Variants in NR6A1 observed in about 807,000 individuals in gnomAD.
NR6A1 encodes the protein retinoic acid receptor-related testis-associated receptor.
In NR6A1, 7 loss-of-function variants were observed where a neutral mutation model predicts 59.1. The ratio of observed to expected loss-of-function variants is 0.12; its 90% CI spans 0.07 to 0.22. NR6A1 has a LOEUF of 0.22. Ranked by LOEUF, NR6A1 falls within the 10% of genes least tolerant of loss-of-function variation. The pLI is 1.00. For missense variants in NR6A1, 468 were observed against 611.6 expected (o/e 0.77, Z 2.48); for synonymous variants, 243 against 236.1 (o/e 1.03, Z -0.27).
At chr9:124,634,230 G>A (rs1216136072) in intron 2 of NR6A1, among the ~76,000 whole-genome samples, 1 of 152,198 alleles carries the variant, frequency 6.6e-6, no homozygotes, top group East Asian at 1.9e-4. Flanking sequence ...GCAGGTTACA[G>A]TAGCAAAGTT....
intron 1 of NR6A1, among the ~76,000 whole-genome samples, chr9:124,762,400 A>T (rs1352023881): frequency 6.6e-6 from 1 of 152,218 alleles, no homozygotes; most frequent in Non-Finnish European, 1.5e-5. Context: ...TAATCTCCTT[A>T]ATATCTGGCT....
intron 2 of NR6A1, chr9:124,658,476 G>T (rs1197203822): frequency 5.9e-5 from 9 of 152,198 alleles, no homozygotes; most frequent in Admixed American, 5.9e-4. Flanking sequence ...ACCTCGTCTA[G>T]CCTGGGTTCC....
At chr9:124,752,617 T>A (rs1489948812) in intron 1 of NR6A1, among the ~76,000 whole-genome samples, 1 of 152,142 alleles carries the variant, frequency 6.6e-6, no homozygotes, top group African/African-American at 2.4e-5. Flanking sequence ...TCCAACATTA[T>A]CTAATGAGGA....
chr9:124,707,145 C>T (rs1352081302), intron 2 of NR6A1, among the ~76,000 whole-genome samples: 1 of 152,216 alleles, frequency 6.6e-6, no homozygotes, highest in African/African-American at 2.4e-5. Flanking sequence ...ATTACATACA[C>T]ACTTGATGTC....
chr9:124,692,670 G>A (rs548743128), intron 2 of NR6A1: 15 of 261,346 alleles, frequency 5.7e-5, no homozygotes, highest in Non-Finnish European at 1.3e-4. Context: ...TATTCCTACT[G>A]CTCACTGTTC....
At chr9:124,695,336 C>G (rs1250599533) in intron 2 of NR6A1, among the ~76,000 whole-genome samples, 1 of 152,142 alleles carries the variant, frequency 6.6e-6, no homozygotes, top group African/African-American at 2.4e-5. Context: ...AAAACCTACC[C>G]AAAGAAATTA....
chr9:124,612,969 T>G (rs1835798092), intron 2 of NR6A1, among the ~76,000 whole-genome samples: 1 of 152,242 alleles, frequency 6.6e-6, no homozygotes, highest in Admixed American at 6.5e-5. Flanking sequence ...ATTCTAGGAA[T>G]GTACCTTACA....
In NR6A1 at chr9:124,614,647, C is replaced by A. The variant is rs76445986; in HGVS notation, c.143-60077G>T. On this transcript the variant is annotated intron_variant, in intron 2 of 9. Transcript: ENST00000487099. ...TAAAAATATACTCTGCCTTAGGCTC[C>A]TCTTGACATAGACAAAAGTCCGCCA... Among the ~76,000 whole-genome samples, 4 of 152,140 alleles carry A rather than the reference C, an allele frequency of 2.6e-5. No individual in the cohort carries two copies. The East Asian group carries it at 7.7e-4, about 29-fold the overall frequency.
rs1288771670 is a variant in NR6A1 at position 124,519,269 on chromosome 9, T to A, written c.*3436A>T. On this transcript the variant is annotated 3_prime_UTR_variant, in exon 10 of 10. Transcript: ENST00000487099. ...GTTCTGGGAAACAGGACAGGGAGGA[T>A]CCTGCTTACTTCCTCCTATCCCTGG... 2.6e-5 allele frequency: 4 copies of A among 152,210 alleles called. No homozygotes were observed. The allele number at this position is 152,210 out of a possible 1,614,324, so 9.4% of individuals were successfully genotyped here.
chr9:124,639,533 C>T (rs546567014), intron 2 of NR6A1, among the ~76,000 whole-genome samples: 4 of 152,182 alleles, frequency 2.6e-5, no homozygotes, highest in African/African-American at 9.7e-5. Flanking sequence ...TTAGCCCTAT[C>T]AAGTATGTCA....
intron 3 of NR6A1, among the ~76,000 whole-genome samples, chr9:124,547,490 GTC>G (rs1458452786): frequency 1.3e-5 from 2 of 152,052 alleles, no homozygotes; most frequent in African/African-American, 4.8e-5. Context: ...ACATAGTTCT[GTC>G]TCTGCATATG....
At chr9:124,577,282 C>CA (rs1222590455) in intron 2 of NR6A1, among the ~76,000 whole-genome samples, 1 of 152,074 alleles carries the variant, frequency 6.6e-6, no homozygotes, top group African/African-American at 2.4e-5. Context: ...TTTTCCCACA[C>CA]AAAAAAATTC....
intron 2 of NR6A1, among the ~76,000 whole-genome samples, chr9:124,683,388 T>C (rs1838233435): frequency 6.6e-6 from 1 of 152,262 alleles, no homozygotes; most frequent in Non-Finnish European, 1.5e-5. Context: ...TTCCATTCTT[T>C]ACAGCAAGCT....
intron 2 of NR6A1, among the ~76,000 whole-genome samples, chr9:124,595,363 T>C (rs1016085806): frequency 6.6e-5 from 10 of 152,270 alleles, no homozygotes; most frequent in African/African-American, 2.4e-4. Context: ...AATAAGACTT[T>C]GGCAGATAGC....
At chr9:124,681,338 C>CTTTTTTTT (rs779847656) in intron 2 of NR6A1, among the ~76,000 whole-genome samples, 7 of 110,780 alleles carry the variant, frequency 6.3e-5, no homozygotes, top group Middle Eastern at 5.4e-3. Flanking sequence ...AACATTTGAG[C>CTTTTTTTT]TTTTTTTTTT....
chr9:124,562,535 A>G (rs1834111872), intron 2 of NR6A1, among the ~76,000 whole-genome samples: 1 of 151,948 alleles, frequency 6.6e-6, no homozygotes, highest in South Asian at 2.1e-4. Flanking sequence ...ACCTCAAATG[A>G]CCCTCACGCC....
intron 1 of NR6A1, among the ~76,000 whole-genome samples, chr9:124,754,148 G>C (rs1564268496): frequency 6.6e-6 from 1 of 152,134 alleles, no homozygotes; most frequent in African/African-American, 2.4e-5. Flanking sequence ...ACCTTGGGAG[G>C]AGGAGTTCCA....
At chr9:124,543,928 T>G in intron 3 of NR6A1, 71 bp from the exon 4 acceptor site, 1 of 1,330,784 alleles carries the variant, frequency 7.5e-7, no homozygotes, top group South Asian at 1.2e-5. Context: ...AAAAAGAGAG[T>G]TTACTTGGCC....
At chr9:124,755,509 C>A (rs1308320767) in intron 1 of NR6A1, among the ~76,000 whole-genome samples, 1 of 152,182 alleles carries the variant, frequency 6.6e-6, no homozygotes, top group Non-Finnish European at 1.5e-5. Context: ...TGCTTTACTG[C>A]TGGACTCTTC....
Sources: gnomAD v4.1 joint callset for allele counts (sites outside exome capture counted in the v4.1 genomes callset) on GRCh38, gnomAD v4.1.1 for gene constraint, MANE v1.5 for transcripts, NCBI Gene and HGNC (gene_info 2026-07-23, HGNC 2026-07-21) for gene names.